ZFP82: variants seen among roughly 807,000 people sequenced by gnomAD.
The protein encoded by ZFP82 is ZFP82 zinc finger protein, also known as zinc finger protein 82 homolog.
Under a neutral mutation model 54.0 loss-of-function variants are expected in ZFP82, and 30 were observed. The ratio of observed to expected loss-of-function variants is 0.56; its 90% confidence interval spans 0.42 to 0.75. ZFP82 has a LOEUF of 0.75. Ranked by LOEUF, ZFP82 falls within the 30% of genes least tolerant of loss-of-function variation. The pLI is 0.00. For missense variants in ZFP82, 500 were observed against 636.8 expected (o/e 0.79, Z 2.31); for synonymous variants, 194 against 209.5 (o/e 0.93, Z 0.64).
chr19:36,403,615 G>A (rs113960545), intron 4 of ZFP82, among the ~76,000 whole-genome samples: 41,899 of 115,038 alleles, frequency 0.36, 7,162 homozygotes, highest in South Asian at 0.51. Flanking sequence ...GCGAGACTCC[G>A]TCGCAAGAAA....
At chr19:36,417,614 A>G (rs1169959087) in intron 1 of ZFP82, among the ~76,000 whole-genome samples, 1 of 152,152 alleles carries the variant, frequency 6.6e-6, no homozygotes, top group Non-Finnish European at 1.5e-5. Flanking sequence ...CTTGCAGCCC[A>G]GCCTCGCATA....
rs1466033401 is a variant in ZFP82 at position 36,393,744 on chromosome 19, T to C, written c.596A>G (p.Glu199Gly). 1 of 1,613,738 alleles carries C rather than the reference T, an allele frequency of 6.2e-7. No individual in the cohort carries two copies. The change falls in exon 5 of 5, where the codon GAA becomes GGA. Residue 199 changes from glutamate (E) to glycine (G), a missense_variant. Glu to Gly is a moderately conservative substitution (Grantham distance 98). Coordinates refer to ENST00000392161, the MANE Select transcript of ZFP82 (RefSeq NM_133466.4). ...HRIHTGEKPY[E>G]CKECGMAFRQ... The stretch of plus-strand genomic sequence containing the variant: ...GAAGGCCATCCCACATTCCTTACAT[T>C]CATACGGTTTTTCACCAGTATGAAT...
Position 36,390,101 on chromosome 19 carries a change from C to T in ZFP82, c.*2640G>A, listed in dbSNP as rs2032169482. Among the ~76,000 whole-genome samples, 1 of 152,136 alleles carries T rather than the reference C, an allele frequency of 6.6e-6. No homozygotes were observed. The highest frequency in any genetic ancestry group is 1.5e-5 in the Non-Finnish European group (1 of 68,018). On this transcript the variant is annotated 3_prime_UTR_variant, in exon 5 of 5. Coordinates refer to ENST00000392161, the MANE Select transcript of ZFP82 (RefSeq NM_133466.4). Reference sequence around the variant, plus strand: ...TCTCACCCTCTGCCTCCTGATACACCCAGGTGCTTCTTTACGTGACCCTGC... The same window carrying T: ...TCTCACCCTCTGCCTCCTGATACACTCAGGTGCTTCTTTACGTGACCCTGC...
intron 3 of ZFP82, among the ~76,000 whole-genome samples, chr19:36,406,139 A>G (rs975061330): frequency 1.3e-5 from 2 of 152,160 alleles, no homozygotes; most frequent in African/African-American, 4.8e-5. Flanking sequence ...GCTATTGGTT[A>G]TTGTTATTTT....
Position 36,407,924 on chromosome 19 carries a change from A to T in ZFP82, c.99T>A (p.Asp33Glu), listed in dbSNP as rs747907908. 2 of 1,613,952 alleles carry T rather than the reference A, an allele frequency of 1.2e-6. No individual in the cohort carries two copies. The change falls in exon 3 of 5, where the codon GAT (aspartate) becomes GAA (glutamate). Residue 33 changes from aspartate (D) to glutamate (E), a missense_variant. Transcript: ENST00000392161. ...LDLEQKDLYR[D>E]VMLENYSNLV... is the part of the protein sequence containing the mutation. ...AGTTGCTGTAGTTCTCCAACATGAC[A>T]TCTCTGTACAAGTCCTTTTGTTCCA...
At position 36,405,679 on chromosome 19, in the gene ZFP82, A is replaced by C; in HGVS notation, c.137-7T>G. On this transcript the variant is annotated splice_region_variant and splice_polypyrimidine_tract_variant and intron_variant, in intron 3 of 4. Transcript: ENST00000392161. ...GGTTTAGAAATGAAGCATCCTGCTTAGAAGAAAAGGAATATAAGGTACATG... is the reference window on the plus strand; with the variant it reads ...GGTTTAGAAATGAAGCATCCTGCTTCGAAGAAAAGGAATATAAGGTACATG... 6.3e-7 allele frequency: 1 copy of C among 1,587,208 alleles called. No homozygotes were observed. Among genetic ancestry groups the C allele is most frequent in the Non-Finnish European group, 8.6e-7 (1 of 1,162,264 alleles).
At chr19:36,399,769 A>G (rs1335058483) in intron 4 of ZFP82, among the ~76,000 whole-genome samples, 1 of 152,226 alleles carries the variant, frequency 6.6e-6, no homozygotes, top group Non-Finnish European at 1.5e-5. Flanking sequence ...ACAGATTGCT[A>G]AAAATCTCAG....
rs755517620 is a variant in ZFP82 at position 36,393,222 on chromosome 19, T to C, written c.1118A>G (p.Lys373Arg). Reference protein sequence around the residue: ...EKPYECKECGKTFSRGYHLIL... With the variant: ...EKPYECKECGRTFSRGYHLIL... ...AAGATGATAACCACGGCTAAAGGTC[T>C]TTCCACATTCCTTACATTCATAGGG... is the stretch of plus-strand genomic sequence containing the variant. Residue 373 changes from lysine to arginine, a missense_variant, in exon 5 of 5, where the codon AAG becomes AGG. Lys to Arg is a conservative substitution (Grantham distance 26). Transcript: ENST00000392161. The C allele has an allele frequency of 3.1e-6, 5 of 1,614,096 alleles. No individual in the cohort carries two copies. Among genetic ancestry groups the C allele is most frequent in the Admixed American group, 1.7e-5 (1 of 60,016 alleles).
At position 36,390,954 on chromosome 19, in the gene ZFP82, G is replaced by A. The variant is rs2032189055; in HGVS notation, c.*1787C>T. On this transcript the variant is annotated 3_prime_UTR_variant, in exon 5 of 5. Transcript: ENST00000392161. ...CGGCGAATTTTTTGTATTTTTAGTA[G>A]AGATGGGGTTTCACCGTGTTAGCCA... 2 of 152,310 alleles carry A rather than the reference G, an allele frequency of 1.3e-5. No individual in the cohort carries two copies. The highest frequency in any genetic ancestry group is 1.5e-5 in the Non-Finnish European group (1 of 68,232). 9.4% of individuals were successfully genotyped at this position (152,310 alleles called of 1,614,324 possible).
In ZFP82 at chr19:36,407,934, A is replaced by G; in HGVS notation, c.89T>C (p.Leu30Ser). 1 of 1,614,174 alleles carries G rather than the reference A, an allele frequency of 6.2e-7. No homozygotes were observed. Among genetic ancestry groups the G allele is most frequent in the Non-Finnish European group, 8.5e-7 (1 of 1,180,002 alleles). Residue 30 changes from leucine (L) to serine (S), a missense_variant, in exon 3 of 5, where the codon TTG becomes TCG. Leu to Ser is a moderately radical substitution (Grantham distance 145). Transcript: ENST00000392161. ...GTTCTCCAACATGACATCTCTGTACAAGTCCTTTTGTTCCAAGTCCAGGTA... is the reference window on the plus strand; with the variant it reads ...GTTCTCCAACATGACATCTCTGTACGAGTCCTTTTGTTCCAAGTCCAGGTA... The part of the protein sequence containing the change: ...WEYLDLEQKD[L>S]YRDVMLENYS...
rs145432079 is a variant in ZFP82, at chr19:36,407,993, A to T, written c.30T>A (p.Asp10Glu). 5.8e-5 allele frequency: 93 copies of T among 1,613,714 alleles called. No individual in the cohort carries two copies. The African/African-American group carries it at 1.0e-3, about 18-fold the overall frequency. The change falls in exon 3 of 5, where the codon GAT becomes GAA. Residue 10 changes from aspartate (D) to glutamate (E), a missense_variant. Asp to Glu is a conservative substitution (Grantham distance 45). Transcript: ENST00000392161. MALRSVMFS[D>E]VSIDFSPEEW... ...CTTCTGGAGAGAAGTCTATGGATAC[A>T]TCACTGAACATCACTGATCGCTGAA... is the stretch of plus-strand genomic sequence containing the variant.
intron 3 of ZFP82, among the ~76,000 whole-genome samples, chr19:36,406,368 C>T (rs961820718): frequency 1.3e-5 from 2 of 152,308 alleles, no homozygotes; most frequent in Admixed American, 6.5e-5. Context: ...CCGTCATCCC[C>T]CAAATATCCC....
intron 1 of ZFP82, among the ~76,000 whole-genome samples, chr19:36,410,308 G>A (rs2032555962): frequency 6.6e-6 from 1 of 152,146 alleles, no homozygotes; most frequent in Admixed American, 6.6e-5. Context: ...TTTCTGGAAT[G>A]AATTCATTTG....
intron 1 of ZFP82, among the ~76,000 whole-genome samples, chr19:36,416,756 C>CAAAAAA (rs1165706150): frequency 2.9e-5 from 2 of 68,876 alleles, no homozygotes; most frequent in African/African-American, 6.3e-5. Context: ...AACTCCGTCT[C>CAAAAAA]AAAAAAAAAA....
downstream of ZFP82, among the ~76,000 whole-genome samples, chr19:36,388,093 T>C (rs2032135555): frequency 6.6e-6 from 1 of 152,228 alleles, no homozygotes; most frequent in Non-Finnish European, 1.5e-5. Context: ...TGTAACATTG[T>C]TGCATTGTTC....
At chr19:36,415,795 T>G (rs1298268850) in intron 1 of ZFP82, among the ~76,000 whole-genome samples, 1 of 152,218 alleles carries the variant, frequency 6.6e-6, no homozygotes, top group African/African-American at 2.4e-5. Context: ...TGAGTGGGTT[T>G]TGGGAAAATA....
chr19:36,408,031 A>G lies in ZFP82; in HGVS notation c.10-18T>C. ...ACTGATCGCTGAAATGACAAACCAC[A>G]CATTATAAATGAAATGGAAGAAAAT... On this transcript the variant is annotated intron_variant, in intron 2 of 4. Transcript: ENST00000392161. The G allele has an allele frequency of 6.2e-7, 1 of 1,609,124 alleles. No homozygotes were observed. Among genetic ancestry groups the G allele is most frequent in the Non-Finnish European group, 8.5e-7 (1 of 1,177,112 alleles).
At chr19:36,385,259 C>T (rs538165626), downstream of ZFP82, among the ~76,000 whole-genome samples, 7 of 152,228 alleles carry the variant, frequency 4.6e-5, no homozygotes, top group East Asian at 5.8e-4. Flanking sequence ...TTTGCCCTTC[C>T]GCCATGAGAT....
downstream of ZFP82, among the ~76,000 whole-genome samples, chr19:36,384,933 C>A (rs1007831300): frequency 6.6e-6 from 1 of 152,172 alleles, no homozygotes; most frequent in African/African-American, 2.4e-5. Flanking sequence ...AAATCTTAAT[C>A]TATGAATAGA....
Sources: gnomAD v4.1 joint callset for allele counts (sites outside exome capture counted in the v4.1 genomes callset) on GRCh38, gnomAD v4.1.1 for gene constraint, MANE v1.5 for transcripts, NCBI Gene and HGNC (gene_info 2026-07-23, HGNC 2026-07-21) for gene names.